Variants in HYCC1 observed in about 807,000 individuals in gnomAD.
HYCC1 encodes hyccin PI4KA lipid kinase complex subunit 1.
At chr7:22,986,778 G>T in the HYCC1 span, among the ~76,000 whole-genome samples, 1 of 152,170 alleles carries the variant, frequency 6.6e-6, no homozygotes, top group African/African-American at 2.4e-5. Flanking sequence ...AACCCGGGAG[G>T]CAGAGGTTGC....
the HYCC1 span, among the ~76,000 whole-genome samples, chr7:22,949,298 G>A: frequency 6.6e-6 from 1 of 152,024 alleles, no homozygotes; most frequent in African/African-American, 2.4e-5. Flanking sequence ...CAAGGAAACT[G>A]AAGTTCAGGA....
At chr7:22,919,956 A>C in the HYCC1 span, among the ~76,000 whole-genome samples, 1 of 152,234 alleles carries the variant, frequency 6.6e-6, no homozygotes, top group Non-Finnish European at 1.5e-5. Context: ...ATCTGAGCTC[A>C]ATGAACTCCA....
At chr7:22,925,613 G>A in the HYCC1 span, among the ~76,000 whole-genome samples, 13 of 152,284 alleles carry the variant, frequency 8.5e-5, no homozygotes, top group South Asian at 6.2e-4. Flanking sequence ...GAAATGAAGC[G>A]TGAAGAGAAG....
At chr7:22,909,070 C>A in the HYCC1 span, among the ~76,000 whole-genome samples, 31 of 152,316 alleles carry the variant, frequency 2.0e-4, no homozygotes, top group Non-Finnish European at 3.7e-4. Context: ...AGAAACCACA[C>A]ATGGACTTCT....
At chr7:22,965,509 T>C in the HYCC1 span, among the ~76,000 whole-genome samples, 7 of 146,224 alleles carry the variant, frequency 4.8e-5, no homozygotes, top group Non-Finnish European at 1.0e-4. Context: ...GGCACATGTA[T>C]ACCTATGTGA....
chr7:22,965,594 T>TAAA, the HYCC1 span, among the ~76,000 whole-genome samples: 65 of 114,704 alleles, frequency 5.7e-4, no homozygotes, highest in African/African-American at 1.9e-3. Flanking sequence ...ACATGGAAAC[T>TAAA]AAAAAAAAAA....
At chr7:22,999,501 G>C in the HYCC1 span, among the ~76,000 whole-genome samples, 50,508 of 151,952 alleles carry the variant, frequency 0.33, 8,470 homozygotes, top group East Asian at 0.36. Flanking sequence ...TCACACAATT[G>C]CATATTAAAT....
chr7:22,914,736 G>A, the HYCC1 span, among the ~76,000 whole-genome samples: 768 of 152,040 alleles, frequency 5.1e-3, 6 homozygotes, highest in African/African-American at 0.018. Context: ...TGAGTCCTTT[G>A]AATCCTCCTT....
At chr7:22,906,725 A>C in the HYCC1 span, among the ~76,000 whole-genome samples, 1 of 152,314 alleles carries the variant, frequency 6.6e-6, no homozygotes, top group East Asian at 1.9e-4. Context: ...ATATAAGGTT[A>C]GTACCTGATT....
At chr7:22,911,492 G>A in the HYCC1 span, among the ~76,000 whole-genome samples, 1 of 152,174 alleles carries the variant, frequency 6.6e-6, no homozygotes, top group Non-Finnish European at 1.5e-5. Flanking sequence ...AGGCGCAGTG[G>A]CTCACGCCTG....
At chr7:22,945,640 T>C in the HYCC1 span, 58 of 1,613,654 alleles carry the variant, frequency 3.6e-5, no homozygotes, top group African/African-American at 3.6e-4. Context: ...GCTGACCTGA[T>C]TGATGCTTCA....
the HYCC1 span, among the ~76,000 whole-genome samples, chr7:22,957,716 T>C: frequency 6.6e-6 from 1 of 151,880 alleles, no homozygotes; most frequent in African/African-American, 2.4e-5. Context: ...GAGGGAATAG[T>C]AGGGATATGA....
At chr7:23,009,170 T>C in the HYCC1 span, among the ~76,000 whole-genome samples, 2 of 152,128 alleles carry the variant, frequency 1.3e-5, no homozygotes, top group Admixed American at 6.5e-5. Context: ...AGGACACTAA[T>C]AGATATTTCA....
chr7:23,010,396 C>A, the HYCC1 span, among the ~76,000 whole-genome samples: 1 of 152,112 alleles, frequency 6.6e-6, no homozygotes, highest in Non-Finnish European at 1.5e-5. Flanking sequence ...TTCCCTCAAA[C>A]AATATCACTC....
chr7:22,986,851 AAAC>A, the HYCC1 span, among the ~76,000 whole-genome samples: 17 of 152,232 alleles, frequency 1.1e-4, no homozygotes, highest in East Asian at 1.7e-3. Context: ...CTGTCTCAAA[AAAC>A]AACAACAACA....
At chr7:22,916,499 A>C in the HYCC1 span, among the ~76,000 whole-genome samples, 1 of 152,286 alleles carries the variant, frequency 6.6e-6, no homozygotes, top group African/African-American at 2.4e-5. Flanking sequence ...AGGGCCGTGC[A>C]GTCAAAATTC....
the HYCC1 span, among the ~76,000 whole-genome samples, chr7:22,918,828 C>T: frequency 5.3e-5 from 8 of 152,158 alleles, no homozygotes; most frequent in Non-Finnish European, 1.0e-4. Context: ...CCTTTGCTGA[C>T]TCTCTTTTCA....
the HYCC1 span, among the ~76,000 whole-genome samples, chr7:22,905,447 C>A: frequency 8.3e-6 from 1 of 120,150 alleles, no homozygotes; most frequent in South Asian, 2.9e-4. Flanking sequence ...GTTGGCCGGG[C>A]TAGTCTTGAA....
At chr7:22,993,526 T>C in the HYCC1 span, among the ~76,000 whole-genome samples, 2 of 152,136 alleles carry the variant, frequency 1.3e-5, no homozygotes, top group South Asian at 2.1e-4. Context: ...ATCCAGAATA[T>C]ATAAGGAACT....
Sources: gnomAD v4.1 joint callset for allele counts (sites outside exome capture counted in the v4.1 genomes callset) on GRCh38, gnomAD v4.1.1 for gene constraint, MANE v1.5 for transcripts, NCBI Gene and HGNC (gene_info 2026-07-23, HGNC 2026-07-21) for gene names.